The following APLF variants were observed in gnomAD, a reference collection of about 807,000 sequenced individuals.
APLF encodes aprataxin and PNK-like factor.
In APLF, 61 loss-of-function variants were observed where a neutral mutation model predicts 55.6. The observed-to-expected ratio is 1.10, with a 90% CI of 0.89 to 1.36. APLF has a LOEUF of 1.36. Ranked by LOEUF, APLF falls within the 40% of genes most tolerant of loss-of-function variation. APLF has a pLI of 0.00. For synonymous variants in APLF, 207 were observed against 214.8 expected (o/e 0.96, Z 0.32); for missense variants, 611 against 602.5 (o/e 1.01, Z -0.15).
At chr2:68,510,258 AC>A (rs1677005919) in intron 3 of APLF, among the ~76,000 whole-genome samples, 1 of 151,776 alleles carries the variant, frequency 6.6e-6, no homozygotes, top group Non-Finnish European at 1.5e-5. Flanking sequence ...TGAAAAGACA[AC>A]CACAGAATGA....
At chr2:68,576,611 A>T (rs994371567) in intron 9 of APLF, among the ~76,000 whole-genome samples, 2 of 152,118 alleles carry the variant, frequency 1.3e-5, no homozygotes, top group African/African-American at 4.8e-5. Context: ...TTTTATTATT[A>T]TAAGCTGTCT....
chr2:68,493,157 T>C (rs1676423175), intron 2 of APLF, among the ~76,000 whole-genome samples: 1 of 152,216 alleles, frequency 6.6e-6, no homozygotes, highest in Non-Finnish European at 1.5e-5. Context: ...TGATGATCTG[T>C]CTTAACAAGA....
In APLF at chr2:68,526,283, GGT is replaced by G. The variant is rs759081097; in HGVS notation, c.804+44_804+45del. On this transcript the variant is annotated intron_variant, in intron 6 of 9. Transcript: ENST00000303795. ...TCATTATTTGATTGTTTTTTTGTTA[GGT>G]GTTTTAGATAGAAATTAATCATATG... 1.9e-6 allele frequency: 3 copies of G among 1,570,638 alleles called. No individual in the cohort carries two copies. The Admixed American group carries it at 5.5e-5, about 29-fold the overall frequency.
At chr2:68,545,369 C>G (rs1670677047) in intron 8 of APLF, 57 bp downstream of exon 8, 2 of 1,542,270 alleles carry the variant, frequency 1.3e-6, no homozygotes, top group Non-Finnish European at 1.8e-6. Context: ...TGTTACTTAT[C>G]TAGGAGAAAC....
At chr2:68,570,362 A>G (rs1279966701) in intron 9 of APLF, among the ~76,000 whole-genome samples, 2 of 151,756 alleles carry the variant, frequency 1.3e-5, no homozygotes, top group Non-Finnish European at 2.9e-5. Flanking sequence ...TTACATATGT[A>G]TACATGTGCC....
chr2:68,504,888 A>C (rs901137059), intron 3 of APLF, among the ~76,000 whole-genome samples: 1 of 152,062 alleles, frequency 6.6e-6, no homozygotes, highest in African/African-American at 2.4e-5. Context: ...GGTTGTTTCC[A>C]AGGGGATTGA....
At chr2:68,515,715 A>G (rs1669560979) in intron 5 of APLF, 9 of 983,688 alleles carry the variant, frequency 9.1e-6, no homozygotes, top group Non-Finnish European at 1.1e-5. Flanking sequence ...TCAAAATAAG[A>G]TAGAAGAGTC....
chr2:68,564,804 G>C (rs1671255210), intron 8 of APLF, among the ~76,000 whole-genome samples: 2 of 152,060 alleles, frequency 1.3e-5, no homozygotes, highest in South Asian at 4.1e-4. Flanking sequence ...TCGTTTGAGA[G>C]TCACTTCATA....
At chr2:68,543,411 A>C (rs1209047266) in intron 7 of APLF, among the ~76,000 whole-genome samples, 1 of 152,228 alleles carries the variant, frequency 6.6e-6, no homozygotes, top group Admixed American at 6.5e-5. Context: ...ACTCTCTGCT[A>C]TAAATACTGC....
At position 68,503,507 on chromosome 2, in the gene APLF, A is replaced by C. The variant is rs11904117; in HGVS notation, c.341+604A>C. 9.8e-3 allele frequency among the ~76,000 whole-genome samples: 1,489 copies of C among 152,272 alleles called. 29 individuals carry two copies. Among genetic ancestry groups the C allele is most frequent in the African/African-American group, 0.034 (1,419 of 41,576 alleles). ...GAAGTAGATGGACAGAATTATGCGG[A>C]GTATGTTCTCTGATAGCAATAGTAT... is the stretch of plus-strand genomic sequence containing the variant. On this transcript the variant is annotated intron_variant, in intron 3 of 9. Coordinates refer to ENST00000303795, the MANE Select transcript of APLF (RefSeq NM_173545.3).
At position 68,578,656 on chromosome 2, in the gene APLF, CT is replaced by C; in HGVS notation, c.*635del. 1 of 985,280 alleles carries C rather than the reference CT, an allele frequency of 1.0e-6. No individual in the cohort carries two copies. Among genetic ancestry groups the C allele is most frequent in the Non-Finnish European group, 1.2e-6 (1 of 829,874 alleles). 61.0% of individuals were successfully genotyped at this position (985,280 alleles called of 1,614,324 possible). On this transcript the variant is annotated 3_prime_UTR_variant, in exon 10 of 10. Transcript: ENST00000303795. ...GGGAATGTTATTTTGTGTTCCACAT[CT>C]GCAATTTACTGTATGTTTGAATTTA...
intron 9 of APLF, among the ~76,000 whole-genome samples, chr2:68,573,036 T>C (rs1671513855): frequency 1.3e-5 from 2 of 152,214 alleles, no homozygotes; most frequent in South Asian, 4.1e-4. Flanking sequence ...CATTCTCATA[T>C]TACAAATTCC....
At chr2:68,515,470 C>A in intron 5 of APLF, 1 of 617,772 alleles carries the variant, frequency 1.6e-6, no homozygotes, top group Non-Finnish European at 2.0e-6. Flanking sequence ...CTGGTCCCTG[C>A]AAACAACTCC....
At position 68,475,201 on chromosome 2, in the gene APLF, T is replaced by A. The variant is rs1364445497; in HGVS notation, c.96+7374T>A. Among the ~76,000 whole-genome samples, 6 of 152,240 alleles carry A rather than the reference T, an allele frequency of 3.9e-5. No individual in the cohort carries two copies. The East Asian group carries it at 1.2e-3, about 29-fold the overall frequency. Reference sequence around the variant, plus strand: ...AAGCTTTCCTTATGTCTTTACTTACTATGTTGCCTCTGTCATCATATATTA... The same window carrying A: ...AAGCTTTCCTTATGTCTTTACTTACAATGTTGCCTCTGTCATCATATATTA... On this transcript the variant is annotated intron_variant, in intron 1 of 9. Coordinates refer to ENST00000303795, the MANE Select transcript of APLF (RefSeq NM_173545.3).
intron 5 of APLF, among the ~76,000 whole-genome samples, chr2:68,520,135 C>T (rs1389076811): frequency 6.6e-6 from 1 of 151,874 alleles, no homozygotes; most frequent in African/African-American, 2.4e-5. Context: ...ATTGTTTATT[C>T]ATGTCCTTAG....
intron 9 of APLF, 93 bp downstream of exon 9, chr2:68,567,480 A>G: frequency 2.0e-6 from 2 of 1,023,366 alleles, no homozygotes; most frequent in South Asian, 1.6e-5. Context: ...ATATTTTAAA[A>G]TCTCTGCTTC....
chr2:68,499,629 AG>A (rs1375937072), intron 2 of APLF, among the ~76,000 whole-genome samples: 2 of 152,144 alleles, frequency 1.3e-5, no homozygotes, highest in Non-Finnish European at 2.9e-5. Context: ...ACTTGAGGCC[AG>A]GAGTTTGAGA....
chr2:68,548,589 A>T (rs182773172), intron 8 of APLF, among the ~76,000 whole-genome samples: 332 of 152,100 alleles, frequency 2.2e-3, no homozygotes, highest in African/African-American at 7.6e-3. Flanking sequence ...TTTTCCAAAG[A>T]ATCATCAAAT....
intron 7 of APLF, 53 bp from the exon 8 acceptor site, chr2:68,545,134 A>T: frequency 6.3e-7 from 1 of 1,595,590 alleles, no homozygotes; most frequent in Non-Finnish European, 8.6e-7. Context: ...ATCCACTAAA[A>T]ATCTAGAATA....
Sources: gnomAD v4.1 joint callset for allele counts (sites outside exome capture counted in the v4.1 genomes callset) on GRCh38, gnomAD v4.1.1 for gene constraint, MANE v1.5 for transcripts, NCBI Gene and HGNC (gene_info 2026-07-23, HGNC 2026-07-21) for gene names.